VPS13B: variants seen among roughly 807,000 people sequenced by gnomAD.
VPS13B encodes the protein vacuolar protein sorting 13 homolog B.
VPS13B carries 285 observed loss-of-function variants against 426.4 expected under a neutral mutation model. The observed-to-expected ratio is 0.67, with a 90% CI of 0.61 to 0.74. VPS13B has a LOEUF of 0.74. Ranked by LOEUF, VPS13B falls within the 30% of genes least tolerant of loss-of-function variation. The pLI, the probability that VPS13B is intolerant of heterozygous loss-of-function variation, is 0.00. For missense variants in VPS13B, 4,537 were observed against 4,782.6 expected, an observed-to-expected ratio of 0.95 and a Z score of 1.51; for synonymous variants, 1,676 against 1,676.4, an observed-to-expected ratio of 1.00 and a Z score of 0.01.
At chr8:99,443,669 A>G (rs1817779610) in intron 23 of VPS13B, among the ~76,000 whole-genome samples, 1 of 152,170 alleles carries the variant, frequency 6.6e-6, no homozygotes, top group Admixed American at 6.5e-5. Flanking sequence ...TTATGGCTGA[A>G]TAGTATTCCA....
At chr8:99,269,612 A>G (rs1229060584) in intron 17 of VPS13B, among the ~76,000 whole-genome samples, 1 of 152,224 alleles carries the variant, frequency 6.6e-6, no homozygotes, top group Non-Finnish European at 1.5e-5. Flanking sequence ...ATTACAAGGT[A>G]AAGAATGCTG....
chr8:99,533,321 C>G (rs1823029223), intron 30 of VPS13B, among the ~76,000 whole-genome samples: 1 of 152,182 alleles, frequency 6.6e-6, no homozygotes, highest in African/African-American at 2.4e-5. Context: ...CCTTGAGGAA[C>G]TACCAAGTGA....
chr8:99,835,759 T>C (rs1815358971), intron 54 of VPS13B, 21 bp downstream of exon 54: 3 of 1,613,498 alleles, frequency 1.9e-6, no homozygotes, highest in Non-Finnish European at 1.7e-6. Flanking sequence ...CATGTGTTCC[T>C]GCCAAGACCC....
intron 8 of VPS13B, among the ~76,000 whole-genome samples, chr8:99,123,767 A>G (rs1207373252): frequency 6.6e-6 from 1 of 152,126 alleles, no homozygotes; most frequent in Non-Finnish European, 1.5e-5. Flanking sequence ...AAAAAAAAAG[A>G]TGATCCAAGG....
At chr8:99,701,533 A>T (rs1832280237) in intron 36 of VPS13B, among the ~76,000 whole-genome samples, 1 of 152,160 alleles carries the variant, frequency 6.6e-6, no homozygotes, top group African/African-American at 2.4e-5. Flanking sequence ...TGTGCAAGTT[A>T]GTAAACTCTA....
At chr8:99,048,270 T>C (rs540536965) in intron 3 of VPS13B, among the ~76,000 whole-genome samples, 1 of 152,346 alleles carries the variant, frequency 6.6e-6, no homozygotes, top group African/African-American at 2.4e-5. Flanking sequence ...TGGCCTCTCA[T>C]ATGGACTATC....
intron 17 of VPS13B, among the ~76,000 whole-genome samples, chr8:99,256,864 A>G (rs1817769971): frequency 2.0e-5 from 3 of 152,040 alleles, no homozygotes; most frequent in Non-Finnish European, 4.4e-5. Flanking sequence ...CTAACTTGCA[A>G]TTTTCACAAT....
chr8:99,525,989 T>G (rs1411503073), intron 30 of VPS13B, among the ~76,000 whole-genome samples: 1 of 151,928 alleles, frequency 6.6e-6, no homozygotes, highest in Non-Finnish European at 1.5e-5. Context: ...GTGTGGACTT[T>G]GGCTATTAGT....
chr8:99,817,882 CTTAA>C (rs1814137271), intron 45 of VPS13B, 79 bp downstream of exon 45: 2 of 1,601,426 alleles, frequency 1.2e-6, no homozygotes, highest in Non-Finnish European at 1.7e-6. Context: ...TCGTACAGCA[CTTAA>C]TTTATTAAAA....
At chr8:99,375,760 C>G (rs911615395) in intron 19 of VPS13B, among the ~76,000 whole-genome samples, 11 of 152,170 alleles carry the variant, frequency 7.2e-5, no homozygotes, top group Admixed American at 7.2e-4. Flanking sequence ...TTCTTAGGAG[C>G]TATACAAATC....
intron 31 of VPS13B, among the ~76,000 whole-genome samples, chr8:99,571,088 C>T (rs1825451495): frequency 6.6e-6 from 1 of 152,114 alleles, no homozygotes; most frequent in African/African-American, 2.4e-5. Context: ...TCTAGGTAGG[C>T]AGCTCATTTA....
chr8:99,051,642 T>G (rs972666733), intron 3 of VPS13B, among the ~76,000 whole-genome samples: 43 of 152,334 alleles, frequency 2.8e-4, no homozygotes, highest in African/African-American at 1.0e-3. Context: ...TTTCACGATA[T>G]TGGTTCTTCC....
chr8:99,550,833 A>C (rs1283827153), intron 30 of VPS13B, among the ~76,000 whole-genome samples: 2 of 152,048 alleles, frequency 1.3e-5, no homozygotes, highest in African/African-American at 4.8e-5. Context: ...TCTAAACATA[A>C]GCAGTTTTGT....
At chr8:99,784,535 G>A (rs1812166972) in intron 43 of VPS13B, 59 bp downstream of exon 43, 3 of 1,601,292 alleles carry the variant, frequency 1.9e-6, no homozygotes, top group South Asian at 2.2e-5. Context: ...CATTTCTTCT[G>A]CACTTGTGTG....
intron 25 of VPS13B, among the ~76,000 whole-genome samples, chr8:99,489,324 A>G (rs936237240): frequency 2.1e-5 from 3 of 145,780 alleles, no homozygotes; most frequent in Non-Finnish European, 4.6e-5. Context: ...GCGTGATGCC[A>G]TCTCCTTTGG....
chr8:99,672,854 G>C (rs1019456752), intron 35 of VPS13B, among the ~76,000 whole-genome samples: 4 of 151,938 alleles, frequency 2.6e-5, no homozygotes, highest in Non-Finnish European at 4.4e-5. Flanking sequence ...TATCACGAAG[G>C]GATTTTGAAT....
intron 3 of VPS13B, among the ~76,000 whole-genome samples, chr8:99,065,027 G>T (rs1290377905): frequency 6.6e-6 from 1 of 152,098 alleles, no homozygotes; most frequent in Non-Finnish European, 1.5e-5. Flanking sequence ...AAGTGAAGGA[G>T]AAATAAAATA....
rs755448442 is a variant in VPS13B, at chr8:99,871,667, C to A, written c.11715C>A (p.Leu3905=). ...AGAACAACTTACTCACAGTGCAGCT[C>A]AAGCAGCCAAGAGTGGCCTGTGATG... The part of the protein sequence containing the change: ...SKQNNLLTVQ[L]KQPRVACDVE... Residue 3905 remains leucine (L), a synonymous_variant, in exon 61 of 62, where the codon CTC becomes CTA. Coordinates refer to ENST00000357162, the MANE Select transcript of VPS13B (RefSeq NM_152564.5). The A allele has an allele frequency of 5.1e-5, 82 of 1,613,896 alleles. No individual in the cohort carries two copies. Among genetic ancestry groups the A allele is most frequent in the Non-Finnish European group, 6.3e-5 (74 of 1,180,052 alleles).
chr8:99,143,301 G>A lies in VPS13B; in HGVS notation c.1843+136G>A, dbSNP rs189359060. ...TGCAAGGACTTTGATATATGTAGCTGTTTATTTAAAGAATAAACTTGTGTG... is the reference window on the plus strand; with the variant it reads ...TGCAAGGACTTTGATATATGTAGCTATTTATTTAAAGAATAAACTTGTGTG... On this transcript the variant is annotated intron_variant, in intron 13 of 61. Transcript: ENST00000357162. 1.9e-4 allele frequency: 203 copies of A among 1,061,692 alleles called. 1 individual carries two copies. The East Asian group carries it at 4.6e-3, about 24-fold the overall frequency. 65.8% of individuals were successfully genotyped at this position (1,061,692 alleles called of 1,614,324 possible).
Sources: gnomAD v4.1 joint callset for allele counts (sites outside exome capture counted in the v4.1 genomes callset) on GRCh38, gnomAD v4.1.1 for gene constraint, MANE v1.5 for transcripts, NCBI Gene and HGNC (gene_info 2026-07-23, HGNC 2026-07-21) for gene names.